Variants in WDR27 observed in about 807,000 individuals in gnomAD.
WDR27 encodes the protein WD repeat-containing protein 27.
In WDR27, 100 loss-of-function variants were observed where a neutral mutation model predicts 114.4. The observed-to-expected ratio is 0.87, with a 90% CI of 0.74 to 1.03. The LOEUF (loss-of-function observed/expected upper bound fraction) is 1.03. WDR27 is among the 50% of genes least tolerant of loss of function. The probability of loss-of-function intolerance (pLI) is 0.00; values close to 1 mark genes in which losing one functional copy is unlikely to be tolerated. For missense variants in WDR27, 1,129 were observed against 1,092.9 expected, an observed-to-expected ratio of 1.03 and a Z score of -0.47; for synonymous variants, 449 against 423.1, an observed-to-expected ratio of 1.06 and a Z score of -0.75.
chr6:169,601,054 C>A (rs763188888), intron 23 of WDR27, among the ~76,000 whole-genome samples: 20 of 152,168 alleles, frequency 1.3e-4, no homozygotes, highest in Non-Finnish European at 2.4e-4. Context: ...ATGTTAAGGG[C>A]AGCCAGAGAA....
At chr6:169,569,296 AT>A (rs1040144492) in intron 25 of WDR27, among the ~76,000 whole-genome samples, 11 of 152,202 alleles carry the variant, frequency 7.2e-5, no homozygotes, top group Non-Finnish European at 1.2e-4. Flanking sequence ...CCTATTTAAT[AT>A]TTTTTATTAC....
intron 23 of WDR27, among the ~76,000 whole-genome samples, chr6:169,591,012 T>C (rs563298011): frequency 1.3e-5 from 2 of 152,172 alleles, no homozygotes; most frequent in East Asian, 1.9e-4. Context: ...AGGAGTGAGA[T>C]TGCTGGATCA....
At chr6:169,549,861 G>C (rs1797877306) in intron 25 of WDR27, among the ~76,000 whole-genome samples, 1 of 152,202 alleles carries the variant, frequency 6.6e-6, no homozygotes, top group African/African-American at 2.4e-5. Flanking sequence ...TGGTTGACAG[G>C]AGTTAGGAAG....
chr6:169,453,285 A>C (rs1208410205), downstream of WDR27, among the ~76,000 whole-genome samples: 1 of 152,194 alleles, frequency 6.6e-6, no homozygotes. Context: ...ATGTGGAGAC[A>C]ATTAAGTTGA....
chr6:169,635,325 C>T (rs1412091324), intron 19 of WDR27, among the ~76,000 whole-genome samples: 1 of 152,156 alleles, frequency 6.6e-6, no homozygotes, highest in Non-Finnish European at 1.5e-5. Context: ...GCGGAGGTTG[C>T]GGTGAGCCAA....
chr6:169,562,620 T>C (rs1799825668), intron 25 of WDR27, among the ~76,000 whole-genome samples: 1 of 151,992 alleles, frequency 6.6e-6, no homozygotes, highest in African/African-American at 2.4e-5. Context: ...CTCCACTCTG[T>C]GCCAGGCTGC....
intron 22 of WDR27, among the ~76,000 whole-genome samples, chr6:169,605,058 C>G (rs970405097): frequency 7.4e-6 from 1 of 134,324 alleles, no homozygotes; most frequent in Non-Finnish European, 1.5e-5. Flanking sequence ...TGCCCACTAC[C>G]ACCATTTCTG....
chr6:169,638,739 T>C (rs1054740636), intron 17 of WDR27, 79 bp from the exon 18 acceptor site: 29 of 1,502,984 alleles, frequency 1.9e-5, no homozygotes, highest in Middle Eastern at 3.5e-4. Context: ...TCTGGTACTT[T>C]CATACAACAC....
chr6:169,571,577 C>T (rs1801431047), intron 25 of WDR27, among the ~76,000 whole-genome samples: 1 of 152,238 alleles, frequency 6.6e-6, no homozygotes, highest in Non-Finnish European at 1.5e-5. Flanking sequence ...CCTGCAATCC[C>T]AGCACTTTGG....
At chr6:169,444,755 C>T in the WDR27 span, among the ~76,000 whole-genome samples, 1 of 151,524 alleles carries the variant, frequency 6.6e-6, no homozygotes, top group Non-Finnish European at 1.5e-5. Flanking sequence ...GAGGCAAAAT[C>T]CAAGTAAATC....
intron 25 of WDR27, among the ~76,000 whole-genome samples, chr6:169,486,460 C>T (rs1445137479): frequency 6.6e-6 from 1 of 152,104 alleles, no homozygotes; most frequent in Non-Finnish European, 1.5e-5. Flanking sequence ...TTGTTTCCTC[C>T]ACCAGGAGGC....
intron 6 of WDR27, chr6:169,666,789 G>A (rs1250495034): frequency 9.8e-6 from 10 of 1,015,652 alleles, no homozygotes; most frequent in Non-Finnish European, 1.1e-5. Flanking sequence ...GGCAGTCCTG[G>A]CCCTACCAAC....
intron 25 of WDR27, among the ~76,000 whole-genome samples, chr6:169,474,427 A>C (rs1222657505): frequency 6.6e-6 from 1 of 152,232 alleles, no homozygotes; most frequent in Non-Finnish European, 1.5e-5. Context: ...ATTTTGTTTT[A>C]TTATTAGAAA....
intron 23 of WDR27, among the ~76,000 whole-genome samples, chr6:169,594,413 T>C (rs1230557078): frequency 6.6e-6 from 1 of 152,228 alleles, no homozygotes; most frequent in African/African-American, 2.4e-5. Context: ...CAAACATTAC[T>C]ATGAATATCT....
At chr6:169,696,635 CCGGGCACAGT>C (rs1389373333) in intron 1 of WDR27, among the ~76,000 whole-genome samples, 2 of 152,230 alleles carry the variant, frequency 1.3e-5, no homozygotes. Context: ...AAAGCAGACG[CCGGGCACAGT>C]GGCTCACGCC....
intron 23 of WDR27, among the ~76,000 whole-genome samples, chr6:169,595,799 TTC>T: frequency 6.6e-6 from 1 of 150,946 alleles, no homozygotes; most frequent in African/African-American, 2.4e-5. Flanking sequence ...TTTTTTTTTT[TTC>T]AATATAACTC....
intron 25 of WDR27, among the ~76,000 whole-genome samples, chr6:169,538,442 T>C (rs1209135575): frequency 6.6e-6 from 1 of 152,176 alleles, no homozygotes; most frequent in Non-Finnish European, 1.5e-5. Flanking sequence ...GCAAAGCAAA[T>C]GGTTGGACTC....
intron 1 of WDR27, among the ~76,000 whole-genome samples, chr6:169,692,077 C>CAAAT (rs1784643493): frequency 6.6e-6 from 1 of 152,018 alleles, no homozygotes; most frequent in African/African-American, 2.4e-5. Context: ...TGCCTCCAAA[C>CAAAT]ACCCCCACTG....
At chr6:169,620,433 C>G (rs34684939) in intron 21 of WDR27, among the ~76,000 whole-genome samples, 13,585 of 152,120 alleles carry the variant, frequency 0.089, 1,667 homozygotes, top group East Asian at 0.57. Context: ...GAAACAAATG[C>G]GTATCTCATT....
Sources: allele counts gnomAD v4.1 joint callset (sites outside exome capture counted in the v4.1 genomes callset), GRCh38; gene constraint gnomAD v4.1.1; transcripts MANE v1.5; gene names NCBI Gene and HGNC (gene_info 2026-07-23, HGNC 2026-07-21).